The following UMAD1 variants were observed in gnomAD, a reference collection of about 807,000 sequenced individuals.
UMAD1 encodes the protein UBAP1-MVB12-associated (UMA) domain containing 1, also known as UBAP1-MVB12-associated (UMA)-domain containing protein 1.
UMAD1 carries 8 observed loss-of-function variants against 6.1 expected under a neutral mutation model. That is an observed-to-expected ratio of 1.30 (90% CI 0.76 to 2.35). The LOEUF is 2.35. Among genes scored for constraint, UMAD1 ranks in the 30% most tolerant of loss-of-function variants. The pLI, the probability that UMAD1 is intolerant of heterozygous loss-of-function variation, is 0.00. For missense variants in UMAD1, 130 were observed against 78.4 expected (o/e 1.66, Z -2.49); for synonymous variants, 56 against 31.4 (o/e 1.78, Z -2.61).
chr7:7,795,841 T>A (rs2115268369), intron 2 of UMAD1, among the ~76,000 whole-genome samples: 1 of 152,326 alleles, frequency 6.6e-6, no homozygotes, highest in East Asian at 1.9e-4. Context: ...CATTTTGGTT[T>A]TGGCTTCCTT....
At chr7:7,710,307 C>T (rs1191589659) in intron 2 of UMAD1, among the ~76,000 whole-genome samples, 2 of 151,954 alleles carry the variant, frequency 1.3e-5, no homozygotes, top group African/African-American at 4.8e-5. Flanking sequence ...GCAAAAATTG[C>T]CCAAAATGAA....
chr7:7,851,019 T>C (rs558870235), intron 3 of UMAD1, among the ~76,000 whole-genome samples: 2 of 152,288 alleles, frequency 1.3e-5, no homozygotes, highest in Admixed American at 6.5e-5. Flanking sequence ...ACCTAACTTA[T>C]GACCAGTATA....
chr7:7,745,866 C>T lies in UMAD1; in HGVS notation c.83-55804C>T, dbSNP rs186413404. Among the ~76,000 whole-genome samples the T allele has an allele frequency of 9.3e-4, 141 of 152,230 alleles. 1 individual carries two copies. Among genetic ancestry groups the T allele is most frequent in the African/African-American group, 3.2e-3 (132 of 41,534 alleles). On this transcript the variant is annotated intron_variant, in intron 2 of 3. Transcript: ENST00000682710. ...TGAAAGTTTACATTGATTCCTTATT[C>T]TTGTCTTTTCCTGGGCTGTTTCTTT...
intron 1 of UMAD1, among the ~76,000 whole-genome samples, chr7:7,646,976 G>T (rs968975302): frequency 1.3e-5 from 2 of 152,110 alleles, no homozygotes; most frequent in African/African-American, 4.8e-5. Context: ...TGGAGCCCTC[G>T]CCAGGGACCC....
intron 2 of UMAD1, among the ~76,000 whole-genome samples, chr7:7,692,161 C>T (rs547540684): frequency 6.6e-6 from 1 of 152,234 alleles, no homozygotes; most frequent in East Asian, 1.9e-4. Context: ...ATATCACCAT[C>T]TTCCCTTACT....
At chr7:7,654,845 G>A (rs1346965020) in intron 1 of UMAD1, among the ~76,000 whole-genome samples, 1 of 150,716 alleles carries the variant, frequency 6.6e-6, no homozygotes, top group Non-Finnish European at 1.5e-5. Flanking sequence ...AGAGATTGCA[G>A]TGAGCCAAGA....
chr7:7,708,411 C>T (rs1328209352), intron 2 of UMAD1, among the ~76,000 whole-genome samples: 1 of 152,140 alleles, frequency 6.6e-6, no homozygotes, highest in African/African-American at 2.4e-5. Context: ...CTGTATTAAA[C>T]AGTTACCCAA....
At chr7:7,837,539 A>G (rs1783593122) in intron 3 of UMAD1, among the ~76,000 whole-genome samples, 1 of 152,170 alleles carries the variant, frequency 6.6e-6, no homozygotes, top group South Asian at 2.1e-4. Flanking sequence ...AACAAAAGCC[A>G]CTGACTAAGT....
At chr7:7,718,286 T>G (rs1478288713) in intron 2 of UMAD1, among the ~76,000 whole-genome samples, 1 of 152,236 alleles carries the variant, frequency 6.6e-6, no homozygotes, top group African/African-American at 2.4e-5. Context: ...ATTTTAACCA[T>G]AAAACTATTT....
chr7:7,789,449 CTTA>C (rs1288653448), intron 2 of UMAD1, among the ~76,000 whole-genome samples: 1 of 151,026 alleles, frequency 6.6e-6, no homozygotes, highest in Non-Finnish European at 1.5e-5. Context: ...AGAAAAACAT[CTTA>C]TTTCTTTAAT....
intron 2 of UMAD1, among the ~76,000 whole-genome samples, chr7:7,744,326 T>C (rs1189479253): frequency 1.3e-5 from 2 of 152,236 alleles, no homozygotes; most frequent in African/African-American, 2.4e-5. Context: ...CACTGATTGA[T>C]GGACATTTAT....
intron 3 of UMAD1, among the ~76,000 whole-genome samples, chr7:7,855,777 A>T (rs6958422): frequency 6.6e-6 from 1 of 152,030 alleles, no homozygotes; most frequent in Non-Finnish European, 1.5e-5. Context: ...ATGGGTTTTT[A>T]TTTTCTACTG....
At chr7:7,643,292 AG>A (rs1395230175) in intron 1 of UMAD1, among the ~76,000 whole-genome samples, 1 of 152,354 alleles carries the variant, frequency 6.6e-6, no homozygotes, top group East Asian at 1.9e-4. Flanking sequence ...GGAAAAAGGA[AG>A]GAAGCCTCAG....
chr7:7,860,087 C>T (rs1374866546), intron 3 of UMAD1, among the ~76,000 whole-genome samples: 3 of 152,042 alleles, frequency 2.0e-5, no homozygotes, highest in African/African-American at 7.2e-5. Context: ...ATCTTGTACC[C>T]TTATAATAAC....
At chr7:7,791,726 G>A (rs1782571407) in intron 2 of UMAD1, among the ~76,000 whole-genome samples, 1 of 152,146 alleles carries the variant, frequency 6.6e-6, no homozygotes, top group Non-Finnish European at 1.5e-5. Flanking sequence ...ACTGACCGGT[G>A]GATATGACCT....
intron 2 of UMAD1, among the ~76,000 whole-genome samples, chr7:7,744,632 T>G (rs35821989): frequency 0.15 from 22,418 of 151,132 alleles, 2,173 homozygotes; most frequent in African/African-American, 0.28. Context: ...CTAGTGAGTG[T>G]GATATAGTAG....
chr7:7,871,325 TTCAG>T (rs1467348654), intron 3 of UMAD1, among the ~76,000 whole-genome samples: 1 of 152,242 alleles, frequency 6.6e-6, no homozygotes, highest in Admixed American at 6.5e-5. Context: ...GCACTGTTCA[TTCAG>T]TCAATCATTC....
intron 2 of UMAD1, among the ~76,000 whole-genome samples, chr7:7,725,227 A>G (rs985364522): frequency 3.3e-5 from 5 of 152,232 alleles, no homozygotes; most frequent in African/African-American, 1.2e-4. Context: ...GAGGCAGCAC[A>G]TTCCTCATTT....
intron 3 of UMAD1, among the ~76,000 whole-genome samples, chr7:7,815,347 T>C (rs1287175163): frequency 6.6e-6 from 1 of 152,180 alleles, no homozygotes. Context: ...TAAGTATTAG[T>C]TTCTTTTTAG....
Sources: gnomAD v4.1 joint callset for allele counts (sites outside exome capture counted in the v4.1 genomes callset) on GRCh38, gnomAD v4.1.1 for gene constraint, MANE v1.5 for transcripts, NCBI Gene and HGNC (gene_info 2026-07-23, HGNC 2026-07-21) for gene names.